The following NDUFAF6 variants were observed in gnomAD, a reference collection of about 807,000 sequenced individuals.
NDUFAF6 encodes the protein NADH:ubiquinone oxidoreductase complex assembly factor 6.
NDUFAF6 carries 45 observed loss-of-function variants against 40.8 expected under a neutral mutation model. The ratio of observed to expected loss-of-function variants is 1.10; its 90% CI spans 0.87 to 1.42. NDUFAF6 has a LOEUF of 1.42. Among genes scored for constraint, NDUFAF6 ranks in the 40% most tolerant of loss-of-function variants. The pLI, the probability that NDUFAF6 is intolerant of heterozygous loss-of-function variation, is 0.00. For synonymous variants in NDUFAF6, 185 were observed against 155.9 expected, an observed-to-expected ratio of 1.19 and a Z score of -1.39; for missense variants, 435 against 418.5, an observed-to-expected ratio of 1.04 and a Z score of -0.34.
At chr8:94,940,351 A>G in intron 1 of NDUFAF6, 1 of 1,037,012 alleles carries the variant, frequency 9.6e-7, no homozygotes, top group Non-Finnish European at 1.4e-6. Context: ...AGATGATACT[A>G]TTAGCTGATG....
intron 4 of NDUFAF6, among the ~76,000 whole-genome samples, chr8:95,110,985 C>T (rs916307686): frequency 2.7e-4 from 41 of 152,196 alleles, no homozygotes; most frequent in African/African-American, 8.9e-4. Context: ...ACTCGCTGAT[C>T]CCCCTCCTTG....
At chr8:94,923,871 G>A (rs777748757) in intron 1 of NDUFAF6, among the ~76,000 whole-genome samples, 4 of 147,990 alleles carry the variant, frequency 2.7e-5, no homozygotes, top group Non-Finnish European at 4.5e-5. Context: ...TGTATTTTTA[G>A]TATAGGCCGG....
intron 4 of NDUFAF6, among the ~76,000 whole-genome samples, 197 bp from the exon 5 acceptor site, chr8:95,045,348 T>C (rs1830617034): frequency 6.6e-6 from 1 of 152,230 alleles, no homozygotes. Flanking sequence ...ATTCCTGATG[T>C]CTTATTTTGA....
intron 1 of NDUFAF6, among the ~76,000 whole-genome samples, chr8:94,912,314 G>C (rs1427665961): frequency 6.6e-6 from 1 of 152,172 alleles, no homozygotes; most frequent in African/African-American, 2.4e-5. Flanking sequence ...ATCCATCTTT[G>C]CGGCCTGATG....
upstream of NDUFAF6, among the ~76,000 whole-genome samples, chr8:95,098,048 G>A (rs190951516): frequency 1.3e-5 from 2 of 152,110 alleles, no homozygotes; most frequent in Non-Finnish European, 2.9e-5. Context: ...ATTTGTAACA[G>A]GTTTCTGTTG....
At chr8:94,959,539 G>GT (rs3039196) in intron 1 of NDUFAF6, among the ~76,000 whole-genome samples, 6,693 of 145,122 alleles carry the variant, frequency 0.046, 332 homozygotes, top group African/African-American at 0.12. Context: ...TGTTTTTTTT[G>GT]TTTTTTTTTT....
At chr8:94,946,391 T>C (rs541368682) in intron 2 of NDUFAF6, among the ~76,000 whole-genome samples, 42 of 151,996 alleles carry the variant, frequency 2.8e-4, no homozygotes, top group African/African-American at 1.0e-3. Context: ...AGAGGCAGTA[T>C]ATTGTGGTAC....
intron 2 of NDUFAF6, among the ~76,000 whole-genome samples, chr8:95,006,944 G>A (rs1484782349): frequency 6.6e-6 from 1 of 151,360 alleles, no homozygotes; most frequent in Non-Finnish European, 1.5e-5. Context: ...AACATGTTGG[G>A]AGAGTAAGAC....
chr8:94,998,728 C>T (rs1205848033), intron 2 of NDUFAF6, among the ~76,000 whole-genome samples: 2 of 152,180 alleles, frequency 1.3e-5, no homozygotes, highest in African/African-American at 4.8e-5. Context: ...GAGGTGGATG[C>T]ACGCAGGAGG....
Position 95,058,406 on chromosome 8 carries a change from T to C in NDUFAF6, c.*469T>C. ...GGGGTCACAAATAGTGAAATTAATA[T>C]TTGAGGAATATCAGTCACGTGTTGT... On this transcript the variant is annotated 3_prime_UTR_variant, in exon 9 of 9. Transcript: ENST00000396124. 1 of 1,232,904 alleles carries C rather than the reference T, an allele frequency of 8.1e-7. No individual in the cohort carries two copies. Among genetic ancestry groups the C allele is most frequent in the Non-Finnish European group, 1.0e-6 (1 of 988,710 alleles). The allele number at this position is 1,232,904 out of a possible 1,614,324, so 76.4% of individuals were successfully genotyped here.
At chr8:94,904,221 G>GC (rs1405580823) in intron 1 of NDUFAF6, among the ~76,000 whole-genome samples, 1 of 148,758 alleles carries the variant, frequency 6.7e-6, no homozygotes, top group Admixed American at 6.7e-5. Context: ...TCGGCTCACT[G>GC]CAACCTCTGC....
intron 4 of NDUFAF6, among the ~76,000 whole-genome samples, chr8:95,110,556 T>G (rs1290083754): frequency 6.6e-6 from 1 of 152,202 alleles, no homozygotes; most frequent in African/African-American, 2.4e-5. Context: ...ATTCTTATCC[T>G]GATTGTGGAG....
chr8:94,997,345 G>C (rs59123890), intron 2 of NDUFAF6, among the ~76,000 whole-genome samples: 3,630 of 104,918 alleles, frequency 0.035, 53 homozygotes, highest in South Asian at 0.063. Flanking sequence ...CACACACACA[G>C]AGAGAGAGAG....
At chr8:94,916,912 A>G (rs1270229813) in intron 1 of NDUFAF6, among the ~76,000 whole-genome samples, 1 of 151,998 alleles carries the variant, frequency 6.6e-6, no homozygotes, top group Non-Finnish European at 1.5e-5. Flanking sequence ...CAGGAGATCA[A>G]GACCATCCTG....
At chr8:94,971,584 G>C (rs1459118284) in intron 1 of NDUFAF6, among the ~76,000 whole-genome samples, 1 of 152,164 alleles carries the variant, frequency 6.6e-6, no homozygotes, top group East Asian at 1.9e-4. Flanking sequence ...CTCACAGGTG[G>C]AGATGACAGA....
At chr8:95,033,818 A>G (rs938206518) in intron 2 of NDUFAF6, among the ~76,000 whole-genome samples, 2 of 152,184 alleles carry the variant, frequency 1.3e-5, no homozygotes, top group Non-Finnish European at 2.9e-5. Context: ...GTGCCTGCTT[A>G]AAGAACAGAA....
At chr8:94,908,663 C>T (rs542337655) in intron 1 of NDUFAF6, among the ~76,000 whole-genome samples, 10 of 152,312 alleles carry the variant, frequency 6.6e-5, no homozygotes, top group African/African-American at 1.4e-4. Context: ...AGCCACCGCT[C>T]GTGGCCTATG....
intron 2 of NDUFAF6, among the ~76,000 whole-genome samples, chr8:94,991,779 G>C (rs1476885083): frequency 1.4e-5 from 2 of 147,588 alleles, no homozygotes; most frequent in East Asian, 4.0e-4. Flanking sequence ...AGTACAAGGA[G>C]AGCTTCCTCA....
intron 1 of NDUFAF6, chr8:94,926,061 G>C (rs1819863192): frequency 6.6e-6 from 1 of 152,510 alleles, no homozygotes; most frequent in Non-Finnish European, 1.5e-5. Context: ...ACAAAGAACA[G>C]GTGTTAACAC....
Sources: allele counts gnomAD v4.1 joint callset (sites outside exome capture counted in the v4.1 genomes callset), GRCh38; gene constraint gnomAD v4.1.1; transcripts MANE v1.5; gene names NCBI Gene and HGNC (gene_info 2026-07-23, HGNC 2026-07-21).